Variants in PEX14 observed in about 807,000 individuals in gnomAD.
PEX14 encodes the protein peroxisomal biogenesis factor 14.
PEX14 carries 15 observed loss-of-function variants against 49.5 expected under a neutral mutation model. That is an observed-to-expected ratio of 0.30 (90% CI 0.20 to 0.47). PEX14 has a LOEUF of 0.47. Ranked by LOEUF, PEX14 falls within the 20% of genes least tolerant of loss-of-function variation. The probability of loss-of-function intolerance (pLI) is 1.00; values close to 1 mark genes in which losing one functional copy is unlikely to be tolerated. For missense variants in PEX14, 398 were observed against 494.8 expected (o/e 0.80, Z 1.86); for synonymous variants, 210 against 212.7 (o/e 0.99, Z 0.11).
At chr1:10,491,927 C>T (rs1306172273) in intron 1 of PEX14, among the ~76,000 whole-genome samples, 1 of 152,106 alleles carries the variant, frequency 6.6e-6, no homozygotes, top group Non-Finnish European at 1.5e-5. Flanking sequence ...AAGTGATTCG[C>T]TCACCTTGGC....
chr1:10,543,674 A>T (rs1405129680), intron 3 of PEX14, among the ~76,000 whole-genome samples: 1 of 152,082 alleles, frequency 6.6e-6, no homozygotes, highest in South Asian at 2.1e-4. Context: ...TGGCATGATC[A>T]TAGCTCACTG....
chr1:10,479,085 G>A (rs1166406297), intron 1 of PEX14, among the ~76,000 whole-genome samples: 1 of 151,928 alleles, frequency 6.6e-6, no homozygotes, highest in Admixed American at 6.6e-5. Flanking sequence ...TTTTGTAGTG[G>A]TGAGTTCCTG....
At chr1:10,618,960 CTTTATA>C (rs1641515234) in intron 5 of PEX14, among the ~76,000 whole-genome samples, 3 of 152,356 alleles carry the variant, frequency 2.0e-5, no homozygotes, top group South Asian at 2.1e-4. Context: ...CATGGAAGTG[CTTTATA>C]CACCATTGTT....
intron 2 of PEX14, among the ~76,000 whole-genome samples, chr1:10,498,093 A>T (rs1213919246): frequency 6.6e-6 from 1 of 152,214 alleles, no homozygotes; most frequent in Non-Finnish European, 1.5e-5. Flanking sequence ...CAGCCTGCAC[A>T]AAATAGAGAG....
intron 1 of PEX14, among the ~76,000 whole-genome samples, chr1:10,491,223 G>C (rs1176312873): frequency 6.6e-6 from 1 of 151,828 alleles, no homozygotes; most frequent in Non-Finnish European, 1.5e-5. Flanking sequence ...ATGTTCACAG[G>C]GTAGGCCATG....
chr1:10,607,969 C>G (rs1641171123), intron 4 of PEX14, among the ~76,000 whole-genome samples: 1 of 152,120 alleles, frequency 6.6e-6, no homozygotes, highest in Admixed American at 6.6e-5. Context: ...GAGACTTTCT[C>G]CTATATTGTC....
chr1:10,626,552 C>T (rs1287247725), intron 7 of PEX14, among the ~76,000 whole-genome samples: 2 of 152,248 alleles, frequency 1.3e-5, no homozygotes, highest in African/African-American at 2.4e-5. Flanking sequence ...AGCCAGCCAG[C>T]GGCCCACAGC....
intron 2 of PEX14, among the ~76,000 whole-genome samples, chr1:10,527,547 A>G (rs1286407728): frequency 6.6e-6 from 1 of 151,446 alleles, no homozygotes; most frequent in East Asian, 1.9e-4. Flanking sequence ...ATTTGTTTCT[A>G]AATTTGAACT....
intron 2 of PEX14, among the ~76,000 whole-genome samples, chr1:10,503,852 G>A (rs1180499909): frequency 1.3e-5 from 2 of 152,000 alleles, no homozygotes; most frequent in Non-Finnish European, 2.9e-5. Flanking sequence ...TCATGCCTAA[G>A]CCTCTTGAGT....
intron 3 of PEX14, among the ~76,000 whole-genome samples, chr1:10,540,436 C>T (rs767607256): frequency 4.8e-4 from 73 of 152,116 alleles, no homozygotes; most frequent in Non-Finnish European, 7.9e-4. Flanking sequence ...AATTTAATAG[C>T]TCCGTCATTA....
At chr1:10,570,629 G>C (rs1639944161) in intron 3 of PEX14, among the ~76,000 whole-genome samples, 2 of 152,134 alleles carry the variant, frequency 1.3e-5, no homozygotes, top group South Asian at 4.1e-4. Flanking sequence ...ACTGCACCTG[G>C]CTCTGTTTTT....
At chr1:10,589,080 T>C (rs1352979693) in intron 3 of PEX14, among the ~76,000 whole-genome samples, 1 of 152,196 alleles carries the variant, frequency 6.6e-6, no homozygotes. Context: ...GTGCAAATAT[T>C]TTTTAAACAT....
chr1:10,499,445 A>AT (rs34771798), intron 2 of PEX14, among the ~76,000 whole-genome samples: 67 of 101,392 alleles, frequency 6.6e-4, no homozygotes, highest in African/African-American at 2.1e-3. Flanking sequence ...CCAAAGAACA[A>AT]TTTTTTTTTT....
intron 4 of PEX14, among the ~76,000 whole-genome samples, chr1:10,609,929 G>A (rs558150997): frequency 6.6e-6 from 1 of 151,442 alleles, no homozygotes; most frequent in African/African-American, 2.4e-5. Context: ...TGTATAAATG[G>A]AACCATATAG....
intron 1 of PEX14, among the ~76,000 whole-genome samples, chr1:10,477,864 G>C (rs1005505167): frequency 1.3e-5 from 2 of 152,100 alleles, no homozygotes; most frequent in African/African-American, 4.8e-5. Flanking sequence ...TCACAGAGTT[G>C]CTCTGAGGAC....
rs567872058 is a variant in PEX14 at position 10,506,958 on chromosome 1, G to T, written c.84+11637G>T. Among the ~76,000 whole-genome samples, 415 of 152,310 alleles carry T rather than the reference G, an allele frequency of 2.7e-3. 4 individuals are homozygous for T. The highest frequency in any genetic ancestry group is 9.5e-3 in the African/African-American group (396 of 41,568). ...AAAATGTTTTCAGTATGTGGAGCAG[G>T]TTCCATTTTTGATTCCCTGCTTTAA... On this transcript the variant is annotated intron_variant, in intron 2 of 8. Transcript: ENST00000356607.
At chr1:10,528,383 A>G in intron 2 of PEX14, 1 of 633,792 alleles carries the variant, frequency 1.6e-6, no homozygotes, top group Non-Finnish European at 2.0e-6. Context: ...CCTTTCAGAA[A>G]GCATGAAATT....
chr1:10,559,322 A>C (rs533193658), intron 3 of PEX14, among the ~76,000 whole-genome samples: 6 of 152,286 alleles, frequency 3.9e-5, no homozygotes, highest in Middle Eastern at 3.4e-3. Context: ...GCTTTGCAGG[A>C]CTTTTTCATC....
intron 2 of PEX14, among the ~76,000 whole-genome samples, chr1:10,507,023 AC>A (rs1434375677): frequency 4.6e-5 from 7 of 152,244 alleles, no homozygotes; most frequent in Admixed American, 3.9e-4. Flanking sequence ...AGCTCCGATC[AC>A]ATAGGCCAGG....
Sources: allele counts gnomAD v4.1 joint callset (sites outside exome capture counted in the v4.1 genomes callset), GRCh38; gene constraint gnomAD v4.1.1; transcripts MANE v1.5; gene names NCBI Gene and HGNC (gene_info 2026-07-23, HGNC 2026-07-21).